Variants in TLL2 observed in about 807,000 individuals in gnomAD.
The protein encoded by TLL2 is tolloid-like protein 2.
TLL2 carries 106 observed loss-of-function variants against 123.0 expected under a neutral mutation model. The observed-to-expected ratio is 0.86, with a 90% CI of 0.74 to 1.01. The LOEUF is 1.01. TLL2 is among the 50% of genes least tolerant of loss of function. The pLI is 0.00. For synonymous variants in TLL2, 494 were observed against 516.8 expected (o/e 0.96, Z 0.60); for missense variants, 1,332 against 1,336.7 (o/e 1.00, Z 0.06).
intron 9 of TLL2, among the ~76,000 whole-genome samples, chr10:96,408,265 G>A (rs1846469807): frequency 6.6e-6 from 1 of 152,166 alleles, no homozygotes; most frequent in Non-Finnish European, 1.5e-5. Context: ...AATTATTCAG[G>A]CTAATTATTT....
At chr10:96,377,599 C>CT (rs1246518117) in intron 17 of TLL2, among the ~76,000 whole-genome samples, 3 of 152,214 alleles carry the variant, frequency 2.0e-5, no homozygotes, top group Non-Finnish European at 1.5e-5. Flanking sequence ...CGAACTTGGC[C>CT]TGCCTGGCTT....
At chr10:96,415,281 C>G (rs1846542840) in intron 7 of TLL2, among the ~76,000 whole-genome samples, 1 of 152,148 alleles carries the variant, frequency 6.6e-6, no homozygotes, top group Admixed American at 6.5e-5. Context: ...CACATGCTAT[C>G]CGCTCCCTAG....
In TLL2 at chr10:96,513,769, C is replaced by A; in HGVS notation, c.-84G>T. 1 of 1,347,480 alleles carries A rather than the reference C, an allele frequency of 7.4e-7. No homozygotes were observed. The highest frequency in any genetic ancestry group is 1.6e-5 in the South Asian group (1 of 63,496). The allele number at this position is 1,347,480 out of a possible 1,614,324, so 83.5% of individuals were successfully genotyped here. On this transcript the variant is annotated 5_prime_UTR_variant, in exon 1 of 21. Coordinates refer to ENST00000357947, the MANE Select transcript of TLL2 (RefSeq NM_012465.4). The stretch of plus-strand genomic sequence containing the variant: ...GAAAGACGGCGCACACTGGGTCGGT[C>A]GGCTCCGGCCGGGACTCGGTGGTTA...
chr10:96,423,013 A>T (rs569589022), intron 5 of TLL2, among the ~76,000 whole-genome samples: 2 of 151,986 alleles, frequency 1.3e-5, no homozygotes, highest in African/African-American at 4.8e-5. Flanking sequence ...CTGTAATCCC[A>T]GCTACTTGGG....
intron 18 of TLL2, among the ~76,000 whole-genome samples, chr10:96,375,947 A>G (rs550822282): frequency 6.6e-6 from 1 of 152,196 alleles, no homozygotes; most frequent in Non-Finnish European, 1.5e-5. Context: ...TTTATTCTCC[A>G]AAGTGTGGGA....
intron 1 of TLL2, among the ~76,000 whole-genome samples, chr10:96,488,554 G>A (rs530582524): frequency 1.3e-4 from 20 of 152,314 alleles, no homozygotes; most frequent in African/African-American, 4.8e-4. Context: ...AGAAGGCCAC[G>A]TGCCCTTCAC....
At chr10:96,476,468 G>T (rs887646720) in intron 2 of TLL2, among the ~76,000 whole-genome samples, 2 of 151,132 alleles carry the variant, frequency 1.3e-5, no homozygotes, top group East Asian at 1.9e-4. Context: ...CACCATGTTG[G>T]CCAGGCTGGT....
intron 2 of TLL2, among the ~76,000 whole-genome samples, chr10:96,454,255 G>A (rs982097681): frequency 6.6e-6 from 1 of 152,226 alleles, no homozygotes; most frequent in African/African-American, 2.4e-5. Flanking sequence ...CTCAGACAGT[G>A]CTGGGAGGGC....
intron 3 of TLL2, among the ~76,000 whole-genome samples, chr10:96,438,223 T>A (rs1302098861): frequency 1.3e-5 from 2 of 152,252 alleles, no homozygotes; most frequent in African/African-American, 2.4e-5. Context: ...CTCTACTCTA[T>A]GCATCTTCCA....
intron 2 of TLL2, among the ~76,000 whole-genome samples, chr10:96,459,713 T>A (rs867787927): frequency 1.6e-3 from 127 of 80,260 alleles, no homozygotes; most frequent in Middle Eastern, 8.5e-3. Flanking sequence ...AAAATATATA[T>A]ATATATATAT....
chr10:96,421,060 A>C lies in TLL2; in HGVS notation c.819T>G (p.Gly273=). The change falls in exon 7 of 21, where the codon GGT becomes GGG. Residue 273 remains glycine (G), a splice_region_variant and synonymous_variant. Coordinates refer to ENST00000357947, the MANE Select transcript of TLL2 (RefSeq NM_012465.4). The stretch of plus-strand genomic sequence containing the variant: ...CCATTTTTAAGAAATTATACTCCTG[A>C]CCTGTGACACAACACTGTGTTAAGC... ...VTIIRENIQP[G]QEYNFLKMEA... is the part of the protein sequence containing the mutation. 3 of 1,612,796 alleles carry C rather than the reference A, an allele frequency of 1.9e-6. No individual in the cohort carries two copies. Among genetic ancestry groups the C allele is most frequent in the Non-Finnish European group, 2.5e-6 (3 of 1,178,922 alleles).
At chr10:96,427,985 G>A (rs1846695672) in intron 5 of TLL2, among the ~76,000 whole-genome samples, 1 of 136,064 alleles carries the variant, frequency 7.3e-6, no homozygotes, top group Admixed American at 7.2e-5. Context: ...GTAGAGATGG[G>A]GTTTCACCAT....
chr10:96,444,148 CT>C (rs1483737611), intron 3 of TLL2, among the ~76,000 whole-genome samples: 10 of 152,200 alleles, frequency 6.6e-5, no homozygotes, highest in African/African-American at 2.4e-4. Context: ...GTTCTCCCTA[CT>C]GCTAGTAAGA....
intron 1 of TLL2, among the ~76,000 whole-genome samples, chr10:96,483,573 T>C (rs938400183): frequency 5.3e-5 from 8 of 152,212 alleles, no homozygotes; most frequent in Non-Finnish European, 8.8e-5. Context: ...TAAAGTTCAC[T>C]AGTCTTTGGA....
intron 7 of TLL2, 126 bp from the exon 8 acceptor site, chr10:96,413,442 C>G: frequency 8.2e-7 from 1 of 1,216,314 alleles, no homozygotes; most frequent in Non-Finnish European, 1.1e-6. Context: ...CCAGCCTCTC[C>G]CAGGCTGGCA....
intron 2 of TLL2, among the ~76,000 whole-genome samples, chr10:96,475,170 A>T (rs1847225303): frequency 1.3e-5 from 2 of 152,210 alleles, no homozygotes; most frequent in Admixed American, 1.3e-4. Context: ...AGCAGAACGG[A>T]GTAAGAGAGA....
At chr10:96,409,238 G>C (rs553599047) in intron 9 of TLL2, among the ~76,000 whole-genome samples, 17 of 152,326 alleles carry the variant, frequency 1.1e-4, no homozygotes, top group Non-Finnish European at 2.2e-4. Context: ...GCCACAGACT[G>C]TGTGGAGTGC....
chr10:96,505,822 T>C (rs1344960898), intron 1 of TLL2, among the ~76,000 whole-genome samples: 1 of 152,224 alleles, frequency 6.6e-6, no homozygotes, highest in Non-Finnish European at 1.5e-5. Context: ...TATTGAGTGC[T>C]TCTGTTTTCT....
intron 1 of TLL2, among the ~76,000 whole-genome samples, chr10:96,506,685 C>T (rs1366942302): frequency 2.7e-5 from 4 of 148,596 alleles, no homozygotes; most frequent in East Asian, 4.0e-4. Flanking sequence ...GTGGATGGCT[C>T]GGTGGCATCA....
Sources: allele counts gnomAD v4.1 joint callset (sites outside exome capture counted in the v4.1 genomes callset), GRCh38; gene constraint gnomAD v4.1.1; transcripts MANE v1.5; gene names NCBI Gene and HGNC (gene_info 2026-07-23, HGNC 2026-07-21).